Variants in ADGRV1 observed in about 807,000 individuals in gnomAD.
ADGRV1 encodes adhesion G protein-coupled receptor V1.
A neutral mutation model predicts 596.2 loss-of-function variants in ADGRV1; 359 were observed. The ratio of observed to expected loss-of-function variants is 0.60; its 90% CI spans 0.55 to 0.66. The LOEUF (loss-of-function observed/expected upper bound fraction) is 0.66, where lower values mean the gene tolerates loss of function less well. Ranked by LOEUF, ADGRV1 falls within the 30% of genes least tolerant of loss-of-function variation. The pLI is 0.00. For synonymous variants in ADGRV1, 2,681 were observed against 2,679.2 expected, an observed-to-expected ratio of 1.00 and a Z score of -0.02; for missense variants, 7,274 against 7,575.6, an observed-to-expected ratio of 0.96 and a Z score of 1.48.
rs1413553553 is a variant in ADGRV1 at position 90,657,973 on chromosome 5, G to T, written c.4447G>T (p.Val1483Leu). ...CAGATTTACAGGTCTGATGCAGGAT[G>T]TGAGGTCCTATGAGCGGAAACTGAC... ...NDRFTGLMQD[V>L]RSYERKLTLE... The change falls in exon 21 of 90, where the codon GTG becomes TTG. Residue 1483 changes from valine (V) to leucine (L), a missense_variant. Physicochemically the swap from Val to Leu is conservative, Grantham distance 32 (BLOSUM62 1). Coordinates refer to ENST00000405460, the MANE Select transcript of ADGRV1 (RefSeq NM_032119.4). The T allele has an allele frequency of 6.2e-7, 1 of 1,613,960 alleles. No individual in the cohort carries two copies. Among genetic ancestry groups the T allele is most frequent in the East Asian group, 2.2e-5 (1 of 44,876 alleles).
chr5:90,920,467 CTT>C (rs1212457750), intron 83 of ADGRV1, among the ~76,000 whole-genome samples: 3 of 152,100 alleles, frequency 2.0e-5, no homozygotes, highest in African/African-American at 7.2e-5. Flanking sequence ...TCTTCAGAGT[CTT>C]TTTACTTTTC....
At chr5:91,018,924 A>G (rs1005281137) in intron 85 of ADGRV1, among the ~76,000 whole-genome samples, 5 of 151,948 alleles carry the variant, frequency 3.3e-5, no homozygotes, top group Admixed American at 2.0e-4. Flanking sequence ...AGCCGGTGTT[A>G]TAGAAATCGG....
chr5:91,067,366 C>T (rs1787976341), intron 85 of ADGRV1, among the ~76,000 whole-genome samples: 1 of 152,104 alleles, frequency 6.6e-6, no homozygotes, highest in Non-Finnish European at 1.5e-5. Context: ...TGGTCTTGAA[C>T]TCCCGACCTC....
chr5:91,163,808 G>A lies in ADGRV1; in HGVS notation c.18829G>A (p.Glu6277Lys). ...TGAGLSVSDN[E>K]SGQGSQEGGT... ...TGCTGGTCTCAGTGTCAGTGATAATGAATCTGGTCAAGGCAGCCAGGAGGG... is the reference window on the plus strand; with the variant it reads ...TGCTGGTCTCAGTGTCAGTGATAATAAATCTGGTCAAGGCAGCCAGGAGGG... The change falls in exon 90 of 90, where the codon GAA becomes AAA. Residue 6277 changes from glutamate to lysine, a missense_variant. Glu to Lys is a moderately conservative substitution (Grantham distance 56). Around this residue, in one of 5 missense-constraint regions of ADGRV1, gnomAD observed 1,874 missense variants for 1,970.2 expected, o/e 0.95. Coordinates refer to ENST00000405460, the MANE Select transcript of ADGRV1 (RefSeq NM_032119.4). 1 of 1,587,034 alleles carries A rather than the reference G, an allele frequency of 6.3e-7. No individual in the cohort carries two copies. Among genetic ancestry groups the A allele is most frequent in the Admixed American group, 1.7e-5 (1 of 58,778 alleles).
At chr5:90,761,069 C>T (rs1340884264) in intron 58 of ADGRV1, among the ~76,000 whole-genome samples, 1 of 152,180 alleles carries the variant, frequency 6.6e-6, no homozygotes, top group African/African-American at 2.4e-5. Flanking sequence ...GTCAGTAATT[C>T]ACATAGATCA....
chr5:90,716,632 T>C lies in ADGRV1; in HGVS notation c.9350T>C (p.Val3117Ala). 6.2e-7 allele frequency: 1 copy of C among 1,613,404 alleles called. No homozygotes were observed. The highest frequency in any genetic ancestry group is 8.5e-7 in the Non-Finnish European group (1 of 1,179,388). Residue 3117 changes from valine to alanine, a missense_variant, in exon 43 of 90, where the codon GTT becomes GCT. Val to Ala is a moderately conservative substitution (Grantham distance 64). This residue lies in a region of ADGRV1 where 3,643 missense variants were observed against 3,809.2 expected (regional missense o/e 0.96). Coordinates refer to ENST00000405460, the MANE Select transcript of ADGRV1 (RefSeq NM_032119.4). Reference protein sequence around the residue: ...PAQGLFGTVTVQFIVTEVNSS... With the variant: ...PAQGLFGTVTAQFIVTEVNSS... ...CAAGGATTGTTTGGAACAGTGACAG[T>C]TCAGTTCATTGTGACAGAAGTGAAT...
intron 84 of ADGRV1, among the ~76,000 whole-genome samples, chr5:90,978,295 A>AAAATAAATAAATAAATAAATAAATAAAT (rs10529732): frequency 9.4e-5 from 14 of 148,480 alleles, no homozygotes; most frequent in African/African-American, 3.5e-4. Flanking sequence ...ACTTCATCTC[A>AAAATAAATAAATAAATAAATAAATAAAT]AAATAAATAA....
chr5:90,567,740 T>A (rs1162189089), intron 1 of ADGRV1, among the ~76,000 whole-genome samples: 1 of 119,368 alleles, frequency 8.4e-6, no homozygotes, highest in Non-Finnish European at 1.6e-5. Context: ...TTTTGTTATC[T>A]TTTTTTTTTT....
At chr5:90,982,732 A>T (rs1372862171) in intron 84 of ADGRV1, among the ~76,000 whole-genome samples, 1 of 98,940 alleles carries the variant, frequency 1.0e-5, no homozygotes, top group African/African-American at 4.8e-5. Flanking sequence ...TTCAGTGTAG[A>T]TGATTGGCTC....
At chr5:90,711,343 C>T in intron 41 of ADGRV1, 21 bp downstream of exon 41, 2 of 1,561,788 alleles carry the variant, frequency 1.3e-6, no homozygotes, top group Non-Finnish European at 1.7e-6. Context: ...AAATCTATCA[C>T]AGATGACTTT....
chr5:90,891,832 T>C (rs1321993693), intron 83 of ADGRV1, among the ~76,000 whole-genome samples: 1 of 151,988 alleles, frequency 6.6e-6, no homozygotes, highest in Non-Finnish European at 1.5e-5. Context: ...AAATATGTAA[T>C]ATTTAATTTG....
At chr5:90,736,620 G>A (rs908805343) in intron 50 of ADGRV1, among the ~76,000 whole-genome samples, 28 of 151,902 alleles carry the variant, frequency 1.8e-4, no homozygotes, top group African/African-American at 6.0e-4. Context: ...GATATGAGTC[G>A]TTTTATGACT....
At chr5:90,904,681 A>G (rs953847796) in intron 83 of ADGRV1, among the ~76,000 whole-genome samples, 1 of 151,802 alleles carries the variant, frequency 6.6e-6, no homozygotes, top group Non-Finnish European at 1.5e-5. Context: ...TCCATTCTGT[A>G]GGATCTCTCT....
intron 29 of ADGRV1, among the ~76,000 whole-genome samples, 179 bp from the exon 30 acceptor site, chr5:90,689,682 C>T (rs899047982): frequency 6.6e-6 from 1 of 152,066 alleles, no homozygotes; most frequent in Non-Finnish European, 1.5e-5. Context: ...CATTATCAAA[C>T]CCATTTTTCT....
chr5:91,045,401 T>A (rs1399585908), intron 85 of ADGRV1, among the ~76,000 whole-genome samples: 1 of 152,182 alleles, frequency 6.6e-6, no homozygotes, highest in Non-Finnish European at 1.5e-5. Flanking sequence ...AGTCAATAAA[T>A]GTGGTATGCC....
chr5:91,080,683 C>A (rs116469428), intron 86 of ADGRV1, among the ~76,000 whole-genome samples: 1,670 of 151,202 alleles, frequency 0.011, 33 homozygotes, highest in African/African-American at 0.038. Context: ...AGAAAGATTG[C>A]CCCTCTTTAT....
rs544816547 is a variant in ADGRV1, at chr5:90,987,748, G to A, written c.18152+2226G>A. 3.3e-5 allele frequency among the ~76,000 whole-genome samples: 5 copies of A among 152,120 alleles called. No individual in the cohort carries two copies. In the South Asian group the frequency reaches 1.0e-3, roughly 32 times the overall value. On this transcript the variant is annotated intron_variant, in intron 85 of 89. Transcript: ENST00000405460. ...GGTTGTATGAACTAATGGCCCATCT[G>A]TTGGGCAGTGGTTACTTCATAGTAT...
intron 83 of ADGRV1, among the ~76,000 whole-genome samples, chr5:90,946,215 A>G (rs1184007184): frequency 1.3e-5 from 2 of 152,094 alleles, no homozygotes; most frequent in Non-Finnish European, 2.9e-5. Context: ...AAGGGACCGC[A>G]GTGCCGCAGC....
At chr5:90,847,059 G>GA (rs1765957625) in intron 78 of ADGRV1, among the ~76,000 whole-genome samples, 1 of 152,134 alleles carries the variant, frequency 6.6e-6, no homozygotes, top group African/African-American at 2.4e-5. Context: ...ACAGAGTGCT[G>GA]ATTCATGCCT....
Sources: allele counts gnomAD v4.1 joint callset (sites outside exome capture counted in the v4.1 genomes callset), GRCh38; gene constraint gnomAD v4.1.1; regional missense constraint gnomAD v4.1.1; transcripts MANE v1.5; gene names NCBI Gene and HGNC (gene_info 2026-07-23, HGNC 2026-07-21).